Variants in CACNA2D1 observed in about 807,000 individuals in gnomAD.
The protein encoded by CACNA2D1 is voltage-dependent calcium channel subunit alpha-2/delta-1.
Under a neutral mutation model 171.5 loss-of-function variants are expected in CACNA2D1, and 53 were observed. The ratio of observed to expected loss-of-function variants is 0.31; its 90% CI spans 0.25 to 0.39. The LOEUF is 0.39. Among genes scored for constraint, CACNA2D1 ranks in the 10% least tolerant of loss-of-function variants. The probability of loss-of-function intolerance (pLI) is 1.00; values close to 1 mark genes in which losing one functional copy is unlikely to be tolerated. For synonymous variants in CACNA2D1, 442 were observed against 443.1 expected (o/e 1.00, Z 0.03); for missense variants, 903 against 1,299.8 (o/e 0.69, Z 4.69).
intron 3 of CACNA2D1, among the ~76,000 whole-genome samples, chr7:82,262,425 G>A (rs751886690): frequency 9.2e-5 from 14 of 152,114 alleles, no homozygotes; most frequent in Non-Finnish European, 2.9e-5. Flanking sequence ...GCTGAGAAAA[G>A]TGCTTTGGTC....
At chr7:82,079,869 TTAA>T (rs1809493158) in intron 7 of CACNA2D1, among the ~76,000 whole-genome samples, 1 of 151,990 alleles carries the variant, frequency 6.6e-6, no homozygotes, top group African/African-American at 2.4e-5. Context: ...GTGACTTTAG[TTAA>T]TGATGATATA....
chr7:82,049,457 T>G (rs1055968796), intron 10 of CACNA2D1, among the ~76,000 whole-genome samples: 1 of 152,320 alleles, frequency 6.6e-6, no homozygotes, highest in East Asian at 1.9e-4. Context: ...TCTTAAAATC[T>G]GAGTCAGTGA....
At chr7:82,195,068 G>A (rs1007404810) in intron 3 of CACNA2D1, among the ~76,000 whole-genome samples, 1 of 151,968 alleles carries the variant, frequency 6.6e-6, no homozygotes, top group African/African-American at 2.4e-5. Flanking sequence ...TATCTTTTCA[G>A]ATTTATATTT....
chr7:82,032,955 G>A (rs1562898122), intron 11 of CACNA2D1, 54 bp from the exon 12 acceptor site: 4 of 985,496 alleles, frequency 4.1e-6, no homozygotes, highest in East Asian at 2.4e-5. Context: ...CAATAAAAGA[G>A]AAAATAAAGC....
At chr7:82,291,132 T>G (rs1387876077) in intron 3 of CACNA2D1, among the ~76,000 whole-genome samples, 1 of 116,894 alleles carries the variant, frequency 8.6e-6, no homozygotes, top group African/African-American at 2.9e-5. Flanking sequence ...GGACTACAAG[T>G]GCAGGCCACT....
intron 3 of CACNA2D1, among the ~76,000 whole-genome samples, chr7:82,290,752 A>G (rs1490005791): frequency 6.6e-6 from 1 of 151,632 alleles, no homozygotes; most frequent in Non-Finnish European, 1.5e-5. Flanking sequence ...ATGCACCACC[A>G]TGCCGGGCTA....
chr7:82,269,087 G>A (rs1246997322), intron 3 of CACNA2D1, among the ~76,000 whole-genome samples: 1 of 149,586 alleles, frequency 6.7e-6, no homozygotes, highest in African/African-American at 2.5e-5. Flanking sequence ...CACCTTCAGC[G>A]ACGCAACAAG....
chr7:82,370,548 G>GGGAC lies in CACNA2D1; in HGVS notation c.96-20900_96-20899insGTCC, dbSNP rs539945352. Among the ~76,000 whole-genome samples the GGGAC allele has an allele frequency of 1.9e-4, 14 of 73,104 alleles. No homozygotes were observed. In the Admixed American group the frequency reaches 2.1e-3, roughly 11 times the overall value. 48.0% of individuals were successfully genotyped at this position (73,104 alleles called of 152,430 possible). ...AAACTGGAAGAGATAGGTAAATGGA[G>GGGAC]GGATGGATGGATGGATGGATGGATG... On this transcript the variant is annotated intron_variant, in intron 1 of 38. Transcript: ENST00000356860.
At chr7:82,349,351 C>T (rs1442786857) in intron 2 of CACNA2D1, among the ~76,000 whole-genome samples, 1 of 152,150 alleles carries the variant, frequency 6.6e-6, no homozygotes, top group Non-Finnish European at 1.5e-5. Context: ...TACGTATCAA[C>T]TGCAAAGTGT....
intron 3 of CACNA2D1, among the ~76,000 whole-genome samples, chr7:82,205,580 CAT>C (rs1451460291): frequency 6.6e-6 from 1 of 152,130 alleles, no homozygotes; most frequent in African/African-American, 2.4e-5. Flanking sequence ...CACACACACA[CAT>C]ATTTGCTATA....
chr7:82,180,546 T>G (rs74335076), intron 3 of CACNA2D1, among the ~76,000 whole-genome samples: 11 of 152,098 alleles, frequency 7.2e-5, no homozygotes, highest in Admixed American at 3.9e-4. Context: ...ACACCCATGT[T>G]GTACTTTTTG....
intron 3 of CACNA2D1, among the ~76,000 whole-genome samples, chr7:82,298,985 C>T (rs1232803806): frequency 6.6e-6 from 1 of 150,942 alleles, no homozygotes; most frequent in Non-Finnish European, 1.5e-5. Flanking sequence ...ATCCTTTGAA[C>T]CGGGGAGGCA....
chr7:82,162,786 T>C (rs1795081165), intron 4 of CACNA2D1, among the ~76,000 whole-genome samples: 2 of 151,956 alleles, frequency 1.3e-5, no homozygotes, highest in South Asian at 4.2e-4. Context: ...ATCTCTCCAT[T>C]GAAACCAGTC....
At chr7:82,004,722 A>T (rs1252940748) in intron 18 of CACNA2D1, among the ~76,000 whole-genome samples, 6 of 152,218 alleles carry the variant, frequency 3.9e-5, no homozygotes, top group African/African-American at 1.2e-4. Flanking sequence ...AGTTACAATT[A>T]TAAGACGTCT....
In CACNA2D1 at chr7:82,332,175, C is replaced by A. The variant is rs530398593; in HGVS notation, c.294+2960G>T. On this transcript the variant is annotated intron_variant, in intron 3 of 38. Coordinates refer to ENST00000356860, the MANE Select transcript of CACNA2D1 (RefSeq NM_000722.4). ...TCCCGAGTTCAAGCAATTCTCCCTGCCTCAGCCTCTGGAGTAGCTGGGATT... is the reference window on the plus strand; with the variant it reads ...TCCCGAGTTCAAGCAATTCTCCCTGACTCAGCCTCTGGAGTAGCTGGGATT... Among the ~76,000 whole-genome samples, 4 of 152,234 alleles carry A rather than the reference C, an allele frequency of 2.6e-5. No homozygotes were observed. The South Asian group carries it at 6.2e-4, about 24-fold the overall frequency.
At chr7:82,048,104 A>G (rs1450547176) in intron 10 of CACNA2D1, among the ~76,000 whole-genome samples, 1 of 152,148 alleles carries the variant, frequency 6.6e-6, no homozygotes, top group African/African-American at 2.4e-5. Flanking sequence ...TCACATCACC[A>G]ATGAATTCTT....
chr7:81,959,164 C>CG (rs1644408103), intron 38 of CACNA2D1, 111 bp downstream of exon 38: 1 of 775,422 alleles, frequency 1.3e-6, no homozygotes, highest in Non-Finnish European at 2.3e-6. Flanking sequence ...ATGAGAAAAA[C>CG]TATGGTTAAG....
At chr7:82,003,605 A>G (rs1449695305) in intron 18 of CACNA2D1, among the ~76,000 whole-genome samples, 2 of 149,826 alleles carry the variant, frequency 1.3e-5, no homozygotes, top group African/African-American at 4.9e-5. Context: ...ATATATATAG[A>G]TATATAGATA....
chr7:82,052,670 G>T (rs777535047), intron 10 of CACNA2D1, among the ~76,000 whole-genome samples: 4 of 152,088 alleles, frequency 2.6e-5, no homozygotes, highest in Non-Finnish European at 5.9e-5. Context: ...TGACACTAAA[G>T]ATTATAAATG....
Sources: allele counts gnomAD v4.1 joint callset (sites outside exome capture counted in the v4.1 genomes callset), GRCh38; gene constraint gnomAD v4.1.1; transcripts MANE v1.5; gene names NCBI Gene and HGNC (gene_info 2026-07-23, HGNC 2026-07-21).